Variants in GALNTL6 observed in about 807,000 individuals in gnomAD.
The protein encoded by GALNTL6 is polypeptide N-acetylgalactosaminyltransferase like 6, also known as polypeptide N-acetylgalactosaminyltransferase-like 6.
Under a neutral mutation model 73.7 loss-of-function variants are expected in GALNTL6, and 46 were observed. That is an observed-to-expected ratio of 0.62 (90% CI 0.49 to 0.80). The LOEUF (loss-of-function observed/expected upper bound fraction) is 0.80. Ranked by LOEUF, GALNTL6 falls within the 30% of genes least tolerant of loss-of-function variation. The probability of loss-of-function intolerance (pLI) is 0.00; values close to 1 mark genes in which losing one functional copy is unlikely to be tolerated. For synonymous variants in GALNTL6, 259 were observed against 263.7 expected (o/e 0.98, Z 0.17); for missense variants, 604 against 755.0 (o/e 0.80, Z 2.34).
intron 2 of GALNTL6, among the ~76,000 whole-genome samples, chr4:172,058,764 C>A (rs1731106547): frequency 6.6e-6 from 1 of 152,134 alleles, no homozygotes; most frequent in East Asian, 1.9e-4. Flanking sequence ...GATCAAATGG[C>A]AATCTTACTT....
intron 5 of GALNTL6, among the ~76,000 whole-genome samples, chr4:172,485,304 G>T (rs1209172104): frequency 6.6e-6 from 1 of 151,958 alleles, no homozygotes; most frequent in East Asian, 1.9e-4. Flanking sequence ...AGAGACAGAC[G>T]ATAAACAGTT....
At chr4:172,802,966 G>T (rs575186804) in intron 5 of GALNTL6, among the ~76,000 whole-genome samples, 1 of 152,328 alleles carries the variant, frequency 6.6e-6, no homozygotes, top group South Asian at 2.1e-4. Context: ...TTAGACGAAT[G>T]CACACTGACA....
rs993975768 is a variant in GALNTL6 at position 172,887,536 on chromosome 4, T to A, written c.1041+4629T>A. ...CCTGCCAACATATTATATTTTAACC[T>A]TTTATTTATTTATTTATTTATTTAT... On this transcript the variant is annotated intron_variant, in intron 8 of 12. Coordinates refer to ENST00000506823, the MANE Select transcript of GALNTL6 (RefSeq NM_001034845.3). Among the ~76,000 whole-genome samples, 14 of 143,358 alleles carry A rather than the reference T, an allele frequency of 9.8e-5. No homozygotes were observed. The South Asian group carries it at 3.0e-3, about 30-fold the overall frequency. The allele number at this position is 143,358 out of a possible 152,430, so 94.0% of individuals were successfully genotyped here.
intron 12 of GALNTL6, among the ~76,000 whole-genome samples, chr4:173,035,524 G>A (rs1249342929): frequency 6.6e-6 from 1 of 152,080 alleles, no homozygotes; most frequent in Non-Finnish European, 1.5e-5. Context: ...CTATGTCGTG[G>A]GTCAGTTGGT....
At chr4:172,914,967 C>T (rs574113402) in intron 8 of GALNTL6, among the ~76,000 whole-genome samples, 19 of 152,308 alleles carry the variant, frequency 1.2e-4, no homozygotes, top group Non-Finnish European at 2.4e-4. Flanking sequence ...CACCACATCG[C>T]ACTTATTTCA....
At chr4:172,493,640 T>C (rs867711377) in intron 5 of GALNTL6, among the ~76,000 whole-genome samples, 9 of 152,210 alleles carry the variant, frequency 5.9e-5, no homozygotes, top group African/African-American at 1.7e-4. Flanking sequence ...CTTTCTGAAA[T>C]AGGTCTCTAA....
intron 5 of GALNTL6, among the ~76,000 whole-genome samples, chr4:172,488,341 C>T (rs1322871303): frequency 2.0e-5 from 3 of 152,198 alleles, no homozygotes; most frequent in Non-Finnish European, 2.9e-5. Flanking sequence ...GTAAAGATGG[C>T]TTCCCCTGCT....
chr4:172,645,413 T>G (rs1164131470), intron 5 of GALNTL6, among the ~76,000 whole-genome samples: 1 of 152,004 alleles, frequency 6.6e-6, no homozygotes, highest in Non-Finnish European at 1.5e-5. Context: ...TTCCACAAAT[T>G]TATCTAATTG....
chr4:172,361,210 A>C (rs1434218658), intron 5 of GALNTL6, among the ~76,000 whole-genome samples: 1 of 152,138 alleles, frequency 6.6e-6, no homozygotes, highest in Non-Finnish European at 1.5e-5. Flanking sequence ...GTGAAAACTC[A>C]ATTTATCCTA....
chr4:172,636,022 C>T (rs1202654446), intron 5 of GALNTL6, among the ~76,000 whole-genome samples: 1 of 152,132 alleles, frequency 6.6e-6, no homozygotes, highest in Non-Finnish European at 1.5e-5. Context: ...TTGAGTATAA[C>T]ACTCACTCAG....
At chr4:171,925,840 G>A (rs1367140373) in intron 2 of GALNTL6, among the ~76,000 whole-genome samples, 1 of 152,078 alleles carries the variant, frequency 6.6e-6, no homozygotes, top group East Asian at 1.9e-4. Context: ...ATTTCTTTTA[G>A]AGATGTGATC....
intron 2 of GALNTL6, among the ~76,000 whole-genome samples, chr4:172,184,663 T>C (rs564486788): frequency 1.1e-4 from 16 of 152,310 alleles, no homozygotes; most frequent in African/African-American, 3.6e-4. Context: ...TAAGTCTCTT[T>C]TCCCATGAAA....
In GALNTL6 at chr4:172,071,466, T is replaced by A. The variant is rs1319931431; in HGVS notation, c.139-158190T>A. Among the ~76,000 whole-genome samples, 2 of 111,034 alleles carry A rather than the reference T, an allele frequency of 1.8e-5. 1 individual carries two copies. The highest frequency in any genetic ancestry group is 4.0e-5 in the Non-Finnish European group (2 of 49,732). The allele number at this position is 111,034 out of a possible 152,430, so 72.8% of individuals were successfully genotyped here. On this transcript the variant is annotated intron_variant, in intron 2 of 12. Coordinates refer to ENST00000506823, the MANE Select transcript of GALNTL6 (RefSeq NM_001034845.3). ...ACGTTAGCTTGTCTCATGTTCCTTG[T>A]ACCCTACAATGTCACAAAAAACAAA... is the stretch of plus-strand genomic sequence containing the variant.
rs141263711 is a variant in GALNTL6 at position 172,567,538 on chromosome 4, A to G, written c.553+218849A>G. ...TGTATCAAAAACAACTTTTCTGGTC[A>G]TAAATACTTCTTGTTGGCCGGGTGT... On this transcript the variant is annotated intron_variant, in intron 5 of 12. Coordinates refer to ENST00000506823, the MANE Select transcript of GALNTL6 (RefSeq NM_001034845.3). Among the ~76,000 whole-genome samples the G allele has an allele frequency of 8.4e-4, 128 of 152,348 alleles. 3 individuals are homozygous for G. The East Asian group carries it at 0.021, about 25-fold the overall frequency.
chr4:172,545,342 G>A (rs981593193), intron 5 of GALNTL6, among the ~76,000 whole-genome samples: 7 of 152,144 alleles, frequency 4.6e-5, no homozygotes, highest in Admixed American at 1.3e-4. Context: ...GTGAAGATCC[G>A]TGGGTAAGAG....
intron 5 of GALNTL6, among the ~76,000 whole-genome samples, chr4:172,561,730 C>A (rs1481335571): frequency 6.6e-6 from 1 of 152,156 alleles, no homozygotes; most frequent in Non-Finnish European, 1.5e-5. Context: ...CTCTTAAAAT[C>A]TCAATGTCCA....
chr4:172,167,147 C>G (rs778546659), intron 2 of GALNTL6, among the ~76,000 whole-genome samples: 4 of 152,180 alleles, frequency 2.6e-5, no homozygotes, highest in Non-Finnish European at 4.4e-5. Flanking sequence ...CCTCCTGGTA[C>G]ATAGTCCCCA....
At chr4:172,801,180 C>T (rs956313566) in intron 5 of GALNTL6, among the ~76,000 whole-genome samples, 1 of 152,054 alleles carries the variant, frequency 6.6e-6, no homozygotes, top group Non-Finnish European at 1.5e-5. Flanking sequence ...AAGTAATGAA[C>T]GTGCAAATCA....
intron 2 of GALNTL6, among the ~76,000 whole-genome samples, chr4:171,960,865 C>T (rs1031840853): frequency 5.3e-5 from 8 of 151,716 alleles, no homozygotes; most frequent in Admixed American, 4.6e-4. Flanking sequence ...AATCTAGTTG[C>T]TTTAGTCTCT....
Sources: gnomAD v4.1 joint callset for allele counts (sites outside exome capture counted in the v4.1 genomes callset) on GRCh38, gnomAD v4.1.1 for gene constraint, MANE v1.5 for transcripts, NCBI Gene and HGNC (gene_info 2026-07-23, HGNC 2026-07-21) for gene names.